Variants in RAB10 observed in about 807,000 individuals in gnomAD.
RAB10 encodes the protein ras-related protein Rab-10.
A neutral mutation model predicts 25.7 loss-of-function variants in RAB10; 5 were observed. That is an observed-to-expected ratio of 0.19 (90% CI 0.10 to 0.41). The LOEUF (loss-of-function observed/expected upper bound fraction) is 0.41. Among genes scored for constraint, RAB10 ranks in the 10% least tolerant of loss-of-function variants. RAB10 has a pLI of 1.00. For synonymous variants in RAB10, 89 were observed against 86.4 expected (o/e 1.03, Z -0.16); for missense variants, 103 against 245.8 (o/e 0.42, Z 3.89).
intron 1 of RAB10, among the ~76,000 whole-genome samples, chr2:26,096,972 A>C (rs1667233074): frequency 6.6e-6 from 1 of 152,158 alleles, no homozygotes; most frequent in Non-Finnish European, 1.5e-5. Context: ...CTGTAATCCT[A>C]GCACCTTGGG....
chr2:26,034,853 C>T lies in RAB10; in HGVS notation c.127+118C>T, dbSNP rs1665729126. 2.9e-6 allele frequency: 4 copies of T among 1,400,874 alleles called. No individual in the cohort carries two copies. In the South Asian group the frequency reaches 5.0e-5, roughly 18 times the overall value. 86.8% of individuals were successfully genotyped at this position (1,400,874 alleles called of 1,614,324 possible). On this transcript the variant is annotated intron_variant, in intron 1 of 5. Transcript: ENST00000264710. ...TTTCAGTGATTCCGATTCCAAACGA[C>T]ACATCCAAGTTACTGTTTGAATCGG...
intron 1 of RAB10, among the ~76,000 whole-genome samples, chr2:26,096,421 G>A (rs1267816547): frequency 3.6e-5 from 3 of 83,106 alleles, no homozygotes; most frequent in Non-Finnish European, 7.9e-5. Context: ...TGGATGGATG[G>A]CTGGCTGGCT....
chr2:26,113,057 C>G (rs1393372939), intron 3 of RAB10, among the ~76,000 whole-genome samples: 2 of 152,010 alleles, frequency 1.3e-5, no homozygotes, highest in Non-Finnish European at 2.9e-5. Context: ...TGCACTCCAT[C>G]CTGGGCAGCA....
At chr2:26,124,089 TTC>T (rs1324303537) in intron 3 of RAB10, among the ~76,000 whole-genome samples, 3 of 152,184 alleles carry the variant, frequency 2.0e-5, no homozygotes, top group African/African-American at 7.2e-5. Context: ...TAATAACATT[TTC>T]TTTTCTCTAA....
At chr2:26,057,768 C>T (rs1246887088) in intron 1 of RAB10, among the ~76,000 whole-genome samples, 1 of 152,158 alleles carries the variant, frequency 6.6e-6, no homozygotes, top group South Asian at 2.1e-4. Flanking sequence ...GATTTACATG[C>T]AGGCGCAACC....
chr2:26,076,316 T>C (rs534466003), intron 1 of RAB10, among the ~76,000 whole-genome samples: 3 of 152,340 alleles, frequency 2.0e-5, no homozygotes, highest in Admixed American at 2.0e-4. Context: ...TACTACCTTC[T>C]GTACTGCTTT....
intron 1 of RAB10, among the ~76,000 whole-genome samples, chr2:26,072,569 G>A (rs1666650794): frequency 2.0e-5 from 3 of 152,248 alleles, no homozygotes. Context: ...GAAATTACTT[G>A]CTGAGCTTTG....
intron 5 of RAB10, among the ~76,000 whole-genome samples, chr2:26,129,268 CA>C (rs58007291): frequency 5.1e-4 from 68 of 133,532 alleles, no homozygotes; most frequent in South Asian, 1.6e-3. Flanking sequence ...GACTCCATCT[CA>C]AAAAAAAAAA....
At chr2:26,044,214 A>G (rs140758077) in intron 1 of RAB10, among the ~76,000 whole-genome samples, 108 of 152,368 alleles carry the variant, frequency 7.1e-4, no homozygotes, top group African/African-American at 2.6e-3. Flanking sequence ...AACAAAACCC[A>G]AAAAACTAAC....
intron 1 of RAB10, among the ~76,000 whole-genome samples, chr2:26,044,875 C>G (rs1396207798): frequency 6.6e-6 from 1 of 151,956 alleles, no homozygotes; most frequent in African/African-American, 2.4e-5. Context: ...CACAGCCAAT[C>G]TTATTCATAA....
At chr2:26,055,235 TATC>T (rs1389810159) in intron 1 of RAB10, among the ~76,000 whole-genome samples, 1 of 152,170 alleles carries the variant, frequency 6.6e-6, no homozygotes, top group Non-Finnish European at 1.5e-5. Context: ...ACTACTTTCT[TATC>T]ATCTGAAGTT....
At chr2:26,118,139 A>T (rs1455877115) in intron 3 of RAB10, among the ~76,000 whole-genome samples, 2 of 151,974 alleles carry the variant, frequency 1.3e-5, no homozygotes, top group Non-Finnish European at 2.9e-5. Context: ...CGCCTGGCTA[A>T]TTTTTGTAAT....
intron 1 of RAB10, among the ~76,000 whole-genome samples, chr2:26,064,825 T>C (rs1318937827): frequency 6.6e-6 from 1 of 152,138 alleles, no homozygotes; most frequent in Non-Finnish European, 1.5e-5. Context: ...AGTGGGAGGA[T>C]CTCTTGAAGC....
chr2:26,046,440 A>G (rs1321563602), intron 1 of RAB10, among the ~76,000 whole-genome samples: 2 of 152,230 alleles, frequency 1.3e-5, no homozygotes, highest in Non-Finnish European at 2.9e-5. Context: ...ATTTGAAGAC[A>G]GTGCAGTGTA....
At chr2:26,105,196 ATG>A (rs1364397118) in intron 2 of RAB10, among the ~76,000 whole-genome samples, 2 of 152,164 alleles carry the variant, frequency 1.3e-5, no homozygotes, top group Admixed American at 6.5e-5. Context: ...ATCAAACATA[ATG>A]TTTAAAGAAG....
chr2:26,108,885 ATTTATT>A (rs1667518006), intron 2 of RAB10, among the ~76,000 whole-genome samples: 2 of 36,502 alleles, frequency 5.5e-5, no homozygotes, highest in Middle Eastern at 0.011. Context: ...CTTTATATTT[ATTTATT>A]TATTTATTTA....
At chr2:26,133,290 A>G (rs1445955180) in intron 5 of RAB10, among the ~76,000 whole-genome samples, 1 of 152,196 alleles carries the variant, frequency 6.6e-6, no homozygotes, top group East Asian at 1.9e-4. Flanking sequence ...GTGATGAACT[A>G]CTGTTCTATA....
intron 1 of RAB10, among the ~76,000 whole-genome samples, chr2:26,058,647 T>C (rs773142256): frequency 2.0e-5 from 3 of 152,158 alleles, no homozygotes; most frequent in Non-Finnish European, 4.4e-5. Flanking sequence ...TCATCTTTGC[T>C]CTCTTTTGAA....
chr2:26,086,765 T>C (rs547507536), intron 1 of RAB10, among the ~76,000 whole-genome samples: 1 of 152,366 alleles, frequency 6.6e-6, no homozygotes, highest in South Asian at 2.1e-4. Context: ...CAAATTATGG[T>C]GTACGCATAC....
Sources: gnomAD v4.1 joint callset for allele counts (sites outside exome capture counted in the v4.1 genomes callset) on GRCh38, gnomAD v4.1.1 for gene constraint, MANE v1.5 for transcripts, NCBI Gene and HGNC (gene_info 2026-07-23, HGNC 2026-07-21) for gene names.